ANKH: variants seen among roughly 807,000 people sequenced by gnomAD.
ANKH encodes the protein mineralization regulator ANKH.
ANKH carries 15 observed loss-of-function variants against 49.0 expected under a neutral mutation model. The ratio of observed to expected loss-of-function variants is 0.31; its 90% CI spans 0.20 to 0.47. ANKH has a LOEUF of 0.47. Among genes scored for constraint, ANKH ranks in the 20% least tolerant of loss-of-function variants. ANKH has a pLI of 1.00. For missense variants in ANKH, 429 were observed against 652.0 expected, an observed-to-expected ratio of 0.66 and a Z score of 3.72; for synonymous variants, 273 against 260.0, an observed-to-expected ratio of 1.05 and a Z score of -0.48.
chr5:14,746,674 G>C (rs1458619514), intron 6 of ANKH, among the ~76,000 whole-genome samples: 2 of 152,200 alleles, frequency 1.3e-5, no homozygotes, highest in African/African-American at 4.8e-5. Flanking sequence ...CTTTGGGAAA[G>C]TGCTGTTACC....
intron 1 of ANKH, among the ~76,000 whole-genome samples, chr5:14,811,971 A>T (rs1406397449): frequency 6.6e-6 from 1 of 152,196 alleles, no homozygotes; most frequent in Admixed American, 6.5e-5. Context: ...TAGAAGTCTG[A>T]ATGTAGAAAA....
intron 1 of ANKH, among the ~76,000 whole-genome samples, chr5:14,809,354 A>AAAAAAAAAG (rs1561065397): frequency 5.4e-5 from 7 of 130,286 alleles, no homozygotes; most frequent in Non-Finnish European, 8.0e-5. Context: ...AAAAAAAAAA[A>AAAAAAAAAG]AAAGAAAAAA....
At chr5:14,747,528 T>A (rs1194071367) in intron 6 of ANKH, among the ~76,000 whole-genome samples, 1 of 151,916 alleles carries the variant, frequency 6.6e-6, no homozygotes, top group East Asian at 1.9e-4. Context: ...CCACCACTGC[T>A]CTCCTACCTG....
intron 1 of ANKH, among the ~76,000 whole-genome samples, chr5:14,801,785 C>A (rs374923988): frequency 6.6e-6 from 1 of 152,220 alleles, no homozygotes; most frequent in Admixed American, 6.5e-5. Context: ...CAGCTCTTGA[C>A]TTTCACCTGT....
chr5:14,722,667 TG>T lies in ANKH; in HGVS notation c.1012-5833del, dbSNP rs1737705850. 2.6e-5 allele frequency among the ~76,000 whole-genome samples: 4 copies of T among 152,258 alleles called. No individual in the cohort carries two copies. The South Asian group carries it at 8.3e-4, about 32-fold the overall frequency. On this transcript the variant is annotated intron_variant, in intron 8 of 11. Transcript: ENST00000284268. Reference sequence around the variant, plus strand: ...TCCCAAAATAGCAAATAAATATCCATGAGTCCCTAGGGATAGAAATTTAAAA... The same window carrying T: ...TCCCAAAATAGCAAATAAATATCCATAGTCCCTAGGGATAGAAATTTAAAA...
rs778211132 is a variant in ANKH at position 14,782,702 on chromosome 5, C to T, written c.97-13511G>A. On this transcript the variant is annotated intron_variant, in intron 1 of 11. Transcript: ENST00000284268. ...AGGCTGAACTGAGTGTGACTAAAGA[C>T]GTATTTAATATATCTGAGCCATGCC... Among the ~76,000 whole-genome samples, 11 of 152,204 alleles carry T rather than the reference C, an allele frequency of 7.2e-5. No homozygotes were observed. The South Asian group carries it at 8.3e-4, about 11-fold the overall frequency.
chr5:14,848,161 C>G (rs1243054428), intron 1 of ANKH, among the ~76,000 whole-genome samples: 1 of 152,128 alleles, frequency 6.6e-6, no homozygotes, highest in Non-Finnish European at 1.5e-5. Context: ...GCTGGATTTC[C>G]TAGGCCGACT....
At chr5:14,810,708 T>G (rs1018326818) in intron 1 of ANKH, among the ~76,000 whole-genome samples, 1 of 152,196 alleles carries the variant, frequency 6.6e-6, no homozygotes, top group Non-Finnish European at 1.5e-5. Context: ...AACTTCTACC[T>G]TCTGTCCCCT....
chr5:14,779,640 T>G (rs1739744349), intron 1 of ANKH, among the ~76,000 whole-genome samples: 2 of 152,268 alleles, frequency 1.3e-5, no homozygotes, highest in African/African-American at 2.4e-5. Flanking sequence ...GTCTGGTCAT[T>G]CATAAATAAA....
chr5:14,754,781 A>G (rs989732764), intron 4 of ANKH, among the ~76,000 whole-genome samples: 1 of 152,220 alleles, frequency 6.6e-6, no homozygotes, highest in African/African-American at 2.4e-5. Flanking sequence ...AAATATTCAT[A>G]GAATAGAAAT....
intron 1 of ANKH, among the ~76,000 whole-genome samples, chr5:14,804,009 C>A (rs1740634848): frequency 6.6e-6 from 1 of 152,160 alleles, no homozygotes; most frequent in South Asian, 2.1e-4. Flanking sequence ...GATTCTCCTG[C>A]CTCAGCCTCC....
At chr5:14,775,807 C>T (rs1739598789) in intron 1 of ANKH, among the ~76,000 whole-genome samples, 1 of 152,172 alleles carries the variant, frequency 6.6e-6, no homozygotes, top group South Asian at 2.1e-4. Context: ...ATGTGTTTTG[C>T]TGCAAGAGCA....
At chr5:14,783,748 T>G (rs886551720) in intron 1 of ANKH, among the ~76,000 whole-genome samples, 6 of 152,222 alleles carry the variant, frequency 3.9e-5, no homozygotes, top group Admixed American at 3.3e-4. Flanking sequence ...AGCTAGAGAA[T>G]AACGTGAATA....
At chr5:14,734,159 C>G (rs566239540) in intron 8 of ANKH, among the ~76,000 whole-genome samples, 2 of 152,178 alleles carry the variant, frequency 1.3e-5, no homozygotes. Flanking sequence ...TTAAACTTAA[C>G]TTCCTCGTAA....
At chr5:14,867,781 G>T (rs781568660) in intron 1 of ANKH, among the ~76,000 whole-genome samples, 1 of 152,048 alleles carries the variant, frequency 6.6e-6, no homozygotes, top group Non-Finnish European at 1.5e-5. Flanking sequence ...GGATGGTCTC[G>T]ATCTCCTGAC....
chr5:14,716,227 T>C (rs1471664916), intron 9 of ANKH, among the ~76,000 whole-genome samples: 1 of 152,144 alleles, frequency 6.6e-6, no homozygotes, highest in Non-Finnish European at 1.5e-5. Context: ...GTACGCCAGG[T>C]GCAGTGGCTC....
intron 1 of ANKH, among the ~76,000 whole-genome samples, chr5:14,851,907 A>G (rs1254232682): frequency 6.6e-6 from 1 of 152,262 alleles, no homozygotes; most frequent in Non-Finnish European, 1.5e-5. Flanking sequence ...ATGAAGGTAC[A>G]GGTAGGCCTA....
intron 5 of ANKH, 51 bp from the exon 6 acceptor site, chr5:14,749,357 G>GAAA (rs1561037186): frequency 6.2e-7 from 1 of 1,600,044 alleles, no homozygotes; most frequent in Non-Finnish European, 8.6e-7. Context: ...AAGCAGAATG[G>GAAA]AAAAAACGAT....
intron 1 of ANKH, among the ~76,000 whole-genome samples, chr5:14,847,276 T>A (rs1275403539): frequency 6.6e-6 from 1 of 152,126 alleles, no homozygotes; most frequent in Non-Finnish European, 1.5e-5. Context: ...ACACAGAGAT[T>A]ACTAAGGGGG....
Sources: allele counts gnomAD v4.1 joint callset (sites outside exome capture counted in the v4.1 genomes callset), GRCh38; gene constraint gnomAD v4.1.1; transcripts MANE v1.5; gene names NCBI Gene and HGNC (gene_info 2026-07-23, HGNC 2026-07-21).